The following VGF variants were observed in gnomAD, a reference collection of about 807,000 sequenced individuals.
VGF encodes the protein neurosecretory protein VGF.
In VGF, 13 loss-of-function variants were observed where a neutral mutation model predicts 41.1. The observed-to-expected ratio is 0.32, with a 90% CI of 0.21 to 0.50. The LOEUF is 0.50. Among genes scored for constraint, VGF ranks in the 20% least tolerant of loss-of-function variants. The probability of loss-of-function intolerance (pLI) is 0.98; values close to 1 mark genes in which losing one functional copy is unlikely to be tolerated. For missense variants in VGF, 920 were observed against 882.1 expected (o/e 1.04, Z -0.54); for synonymous variants, 473 against 418.3 (o/e 1.13, Z -1.60).
Position 101,162,725 on chromosome 7 carries a change from A to T in VGF, c.*271T>A. 1.7e-6 allele frequency: 1 copy of T among 582,754 alleles called. No individual in the cohort carries two copies. Among genetic ancestry groups the T allele is most frequent in the South Asian group, 1.5e-5 (1 of 64,832 alleles). 36.1% of individuals were successfully genotyped at this position (582,754 alleles called of 1,614,324 possible). ...ACGGGGACGTCCCCAGAGGGACTTG[A>T]TGGGGCCGGGGCCCCGCGTGGCAAG... is the stretch of plus-strand genomic sequence containing the variant. On this transcript the variant is annotated 3_prime_UTR_variant, in exon 2 of 2. Transcript: ENST00000249330. This position sits in a 1 kb window ranked among gnomAD's most constrained non-coding sequence, Gnocchi z 4.2.
rs1035089684 is a variant in VGF at position 101,164,740 on chromosome 7, AGAG to A, written c.101_103del (p.Pro34del). 1 of 1,611,322 alleles carries A rather than the reference AGAG, an allele frequency of 6.2e-7. No individual in the cohort carries two copies. The highest frequency in any genetic ancestry group is 1.1e-5 in the South Asian group (1 of 90,968). On this transcript the variant is annotated inframe_deletion, in exon 2 of 2. Transcript: ENST00000249330. Reference sequence around the variant, plus strand: ...TACCGGCTCTTTATGCTCAGAGCTGAGAGGAGGAGGCTGCGCCTCAGGGCGACC... The same window carrying A: ...TACCGGCTCTTTATGCTCAGAGCTGAGAGGAGGCTGCGCCTCAGGGCGACC...
Position 101,164,135 on chromosome 7 carries a change from C to T in VGF, c.709G>A (p.Asp237Asn), listed in dbSNP as rs772229321. The T allele has an allele frequency of 4.7e-6, 7 of 1,502,474 alleles. No homozygotes were observed. The highest frequency in any genetic ancestry group is 1.3e-5 in the South Asian group (1 of 75,418). The allele number at this position is 1,502,474 out of a possible 1,614,324, so 93.1% of individuals were successfully genotyped here. ...APSQFQARMP[D>N]SGPLPETHKF... ...TGGGTTTCGGGAAGGGGCCCGCTGT[C>T]GGGCATACGCGCCTGGAATTGAGAG... The change falls in exon 2 of 2, where the codon GAC (aspartate) becomes AAC (asparagine). Residue 237 changes from aspartate to asparagine, a missense_variant. Physicochemically the swap from Asp to Asn is conservative, Grantham distance 23. Around this residue, in one of 3 missense-constraint regions of VGF, gnomAD observed 654 missense variants for 638.4 expected, o/e 1.02. Transcript: ENST00000249330.
chr7:101,164,326 C>T lies in VGF; in HGVS notation c.518G>A (p.Ser173Asn), dbSNP rs759028390. 3.1e-6 allele frequency: 5 copies of T among 1,611,404 alleles called. No homozygotes were observed. The highest frequency in any genetic ancestry group is 4.2e-6 in the Non-Finnish European group (5 of 1,179,910). Residue 173 changes from serine (S) to asparagine (N), a missense_variant, in exon 2 of 2, where the codon AGC becomes AAC. Ser to Asn is a conservative substitution (Grantham distance 46). Transcript: ENST00000249330. ...CGCCGTCTCCTGCTGGCGCTTGGCGCTACTTGGACTGAAATCTCGCAGTTC... is the reference window on the plus strand; with the variant it reads ...CGCCGTCTCCTGCTGGCGCTTGGCGTTACTTGGACTGAAATCTCGCAGTTC... ...LQELRDFSPS[S>N]AKRQQETAAA...
Position 101,163,666 on chromosome 7 carries a change from TCCGCCTCTGCCTCCGCCTCGG to T in VGF, c.1157_1177del (p.Ala386_Ala392del). 6.5e-7 allele frequency: 1 copy of T among 1,538,760 alleles called. No homozygotes were observed. Among genetic ancestry groups the T allele is most frequent in the Non-Finnish European group, 8.7e-7 (1 of 1,147,338 alleles). On this transcript the variant is annotated inframe_deletion, in exon 2 of 2. Coordinates refer to ENST00000249330, the MANE Select transcript of VGF (RefSeq NM_003378.4). The surrounding 1 kb of genome is among the most constrained non-coding windows in gnomAD (Gnocchi z 5.0). Reference sequence around the variant, plus strand: ...GTTCTGCCGCGCCCTCTCCGCCTCCTCCGCCTCTGCCTCCGCCTCGGCCGCCTCCTCATCCTCTTCCCCCAC... The same window carrying T: ...GTTCTGCCGCGCCCTCTCCGCCTCCTCCGCCTCCTCATCCTCTTCCCCCAC...
At chr7:101,165,311 A>AC in intron 1 of VGF, 63 bp downstream of exon 1, 1 of 986,396 alleles carries the variant, frequency 1.0e-6, no homozygotes, top group Non-Finnish European at 1.2e-6. Context: ...GAGGAGAGAG[A>AC]ACCCTCCCTC....
intron 1 of VGF, 60 bp downstream of exon 1, chr7:101,165,314 C>A: frequency 2.0e-6 from 2 of 986,444 alleles, no homozygotes; most frequent in Non-Finnish European, 2.4e-6. Context: ...GAGAGAGAAC[C>A]CTCCCTCACG....
chr7:101,166,902 G>A (rs555381256), upstream of VGF, among the ~76,000 whole-genome samples: 3 of 150,090 alleles, frequency 2.0e-5, no homozygotes, highest in Admixed American at 1.3e-4. Flanking sequence ...GGCAGAGAGC[G>A]GTGCGGGGGC....
Position 101,163,752 on chromosome 7 carries a change from C to T in VGF, c.1092G>A (p.Glu364=). 1 of 1,535,388 alleles carries T rather than the reference C, an allele frequency of 6.5e-7. No individual in the cohort carries two copies. The highest frequency in any genetic ancestry group is 8.7e-7 in the Non-Finnish European group (1 of 1,146,024). Reference sequence around the variant, plus strand: ...CGCGTCTCTCCTGCTCCGCCTCCTCCTCCTCCCTTGCACTCTCTCGCTCCT... The same window carrying T: ...CGCGTCTCTCCTGCTCCGCCTCCTCTTCCTCCCTTGCACTCTCTCGCTCCT... ...AAEERESARE[E]EEAEQERRGG... The change falls in exon 2 of 2, where the codon GAG becomes GAA. Residue 364 remains glutamate, a synonymous_variant. Transcript: ENST00000249330. This position sits in a 1 kb window ranked among gnomAD's most constrained non-coding sequence, Gnocchi z 5.0.
chr7:101,162,511 C>G lies in VGF; in HGVS notation c.*485G>C. ...CGGGTGAATAACCGAGAACAAAGTC[C>G]TAATAAAATAGTCACTTTTATTTCT... On this transcript the variant is annotated 3_prime_UTR_variant, in exon 2 of 2. Coordinates refer to ENST00000249330, the MANE Select transcript of VGF (RefSeq NM_003378.4). The surrounding 1 kb of genome is among the most constrained non-coding windows in gnomAD (Gnocchi z 4.2). 1 of 239,510 alleles carries G rather than the reference C, an allele frequency of 4.2e-6. No homozygotes were observed. Among genetic ancestry groups the G allele is most frequent in the Non-Finnish European group, 8.4e-6 (1 of 118,618 alleles). The allele number at this position is 239,510 out of a possible 1,614,324, so 14.8% of individuals were successfully genotyped here. A position where few individuals can be genotyped will look rare whatever the true frequency, so the allele number is the denominator to read the frequency against.
At position 101,163,125 on chromosome 7, in the gene VGF, C is replaced by G. The variant is rs751040312; in HGVS notation, c.1719G>C (p.Ser573=). The G allele has an allele frequency of 1.9e-6, 3 of 1,585,758 alleles. No individual in the cohort carries two copies. In the East Asian group the frequency reaches 7.2e-5, roughly 38 times the overall value. The change falls in exon 2 of 2, where the codon TCG becomes TCC. Residue 573 remains serine (S), a synonymous_variant. Transcript: ENST00000249330. The surrounding 1 kb of genome is among the most constrained non-coding windows in gnomAD (Gnocchi z 5.0). ...GGGCCTCCCGGCCGGGATAGTGGCG[C>G]GAAGGCGGCAAGGCGTGGTGGTAGT... ...RRHYHHALPP[S]RHYPGREAQA... is the part of the protein sequence containing the mutation.
At chr7:101,169,101 G>T (rs1797265646), upstream of VGF, among the ~76,000 whole-genome samples, 1 of 152,058 alleles carries the variant, frequency 6.6e-6, no homozygotes, top group African/African-American at 2.4e-5. Flanking sequence ...AATGATGAGT[G>T]ATGGGAAGGG....
At position 101,163,363 on chromosome 7, in the gene VGF, G is replaced by GGGGGCGGCACGGGCTCGGGA; in HGVS notation, c.1461_1480dup (p.Pro494LeufsTer187). 6.5e-7 allele frequency: 1 copy of GGGGGCGGCACGGGCTCGGGA among 1,536,230 alleles called. No homozygotes were observed. Among genetic ancestry groups the GGGGGCGGCACGGGCTCGGGA allele is most frequent in the Non-Finnish European group, 8.7e-7 (1 of 1,145,060 alleles). On this transcript the variant is annotated frameshift_variant, in exon 2 of 2. Coordinates refer to ENST00000249330, the MANE Select transcript of VGF (RefSeq NM_003378.4). LOFTEE classifies it high-confidence loss of function. The surrounding 1 kb of genome is among the most constrained non-coding windows in gnomAD (Gnocchi z 5.0). ...GTGGGTGGGGGCGGGGGCGGCACGG[G>GGGGGCGGCACGGGCTCGGGA]GGGGCGGCACGGGCTCGGGAGGGGC...
rs771527523 is a variant in VGF, at chr7:101,163,093, C to T, written c.1751G>A (p.Arg584Gln). The T allele has an allele frequency of 6.4e-7, 1 of 1,573,706 alleles. No individual in the cohort carries two copies. The highest frequency in any genetic ancestry group is 8.6e-7 in the Non-Finnish European group (1 of 1,163,766). ...RHYPGREAQA[R>Q]RAQEEAEAEE... The stretch of plus-strand genomic sequence containing the variant: ...CGCCTCCGCCTCCTCCTGCGCGCGC[C>T]GCGCCTGGGCCTCCCGGCCGGGATA... The change falls in exon 2 of 2, where the codon CGG becomes CAG. Residue 584 changes from arginine to glutamine, a missense_variant. Physicochemically the swap from Arg to Gln is conservative, Grantham distance 43. Transcript: ENST00000249330. This position sits in a 1 kb window ranked among gnomAD's most constrained non-coding sequence, Gnocchi z 5.0.
In VGF at chr7:101,162,880, G is replaced by A. The variant is rs777866017; in HGVS notation, c.*116C>T. The stretch of plus-strand genomic sequence containing the variant: ...CGACGCAGCCCGGGGACAGGGGCAG[G>A]GCCAAGGGGCAGGGCCGGGGCGCAT... On this transcript the variant is annotated 3_prime_UTR_variant, in exon 2 of 2. Transcript: ENST00000249330. This position sits in a 1 kb window ranked among gnomAD's most constrained non-coding sequence, Gnocchi z 4.2. 1 of 720,890 alleles carries A rather than the reference G, an allele frequency of 1.4e-6. No homozygotes were observed. The highest frequency in any genetic ancestry group is 2.4e-6 in the Non-Finnish European group (1 of 424,952). The allele number at this position is 720,890 out of a possible 1,614,324, so 44.7% of individuals were successfully genotyped here. A position where few individuals can be genotyped will look rare whatever the true frequency, so the allele number is the denominator to read the frequency against.
At position 101,163,990 on chromosome 7, in the gene VGF, G is replaced by A; in HGVS notation, c.854C>T (p.Ala285Val). 6.8e-7 allele frequency: 1 copy of A among 1,469,970 alleles called. No individual in the cohort carries two copies. The highest frequency in any genetic ancestry group is 8.9e-7 in the Non-Finnish European group (1 of 1,124,448). 91.1% of individuals were successfully genotyped at this position (1,469,970 alleles called of 1,614,324 possible). A position where few individuals can be genotyped will look rare whatever the true frequency, so the allele number is the denominator to read the frequency against. The part of the protein sequence containing the change: ...PFPKARRPES[A>V]LLGGSEAGER... ...GCCCGCCTCGGAGCCGCCCAGGAGT[G>A]CGCTCTCCGGCCGGCGCGCCTTGGG... Residue 285 changes from alanine (A) to valine (V), a missense_variant, in exon 2 of 2, where the codon GCA (alanine) becomes GTA (valine). Ala to Val is a moderately conservative substitution (Grantham distance 64). Coordinates refer to ENST00000249330, the MANE Select transcript of VGF (RefSeq NM_003378.4). This position sits in a 1 kb window ranked among gnomAD's most constrained non-coding sequence, Gnocchi z 5.0.
Position 101,162,751 on chromosome 7 carries a change from G to A in VGF, c.*245C>T, listed in dbSNP as rs766434888. On this transcript the variant is annotated 3_prime_UTR_variant, in exon 2 of 2. Coordinates refer to ENST00000249330, the MANE Select transcript of VGF (RefSeq NM_003378.4). This position sits in a 1 kb window ranked among gnomAD's most constrained non-coding sequence, Gnocchi z 4.2. ...TGGGGCCGGGGCCCCGCGTGGCAAG[G>A]GAACTCGCACAAACCACCCGCCCTC... 1.6e-6 allele frequency: 1 copy of A among 621,890 alleles called. No individual in the cohort carries two copies. The highest frequency in any genetic ancestry group is 2.1e-5 in the Admixed American group (1 of 47,078). 38.5% of individuals were successfully genotyped at this position (621,890 alleles called of 1,614,324 possible). A position where few individuals can be genotyped will look rare whatever the true frequency, so the allele number is the denominator to read the frequency against.
At chr7:101,167,314 A>T (rs763759003), upstream of VGF, among the ~76,000 whole-genome samples, 2 of 152,154 alleles carry the variant, frequency 1.3e-5, no homozygotes, top group African/African-American at 2.4e-5. The surrounding 1 kb of genome is among the most constrained non-coding windows in gnomAD (Gnocchi z 4.2). Flanking sequence ...GGGATCTGGA[A>T]CAGGTAGAAG....
Position 101,162,639 on chromosome 7 carries a change from C to G in VGF, c.*357G>C. The G allele has an allele frequency of 2.7e-6, 1 of 364,688 alleles. No homozygotes were observed. The highest frequency in any genetic ancestry group is 2.1e-5 in the South Asian group (1 of 47,532). The allele number at this position is 364,688 out of a possible 1,614,324, so 22.6% of individuals were successfully genotyped here. A position where few individuals can be genotyped will look rare whatever the true frequency, so the allele number is the denominator to read the frequency against. On this transcript the variant is annotated 3_prime_UTR_variant, in exon 2 of 2. Transcript: ENST00000249330. The surrounding 1 kb of genome is among the most constrained non-coding windows in gnomAD (Gnocchi z 4.2). The stretch of plus-strand genomic sequence containing the variant: ...AGGCTGGAGGGGCTCGTGGGAGGCC[C>G]GAAGGGCTGGAGACAGACACACTTC...
At chr7:101,164,911 C>T (rs1256835426) in intron 1 of VGF, 48 bp from the exon 2 acceptor site, 4 of 1,476,246 alleles carry the variant, frequency 2.7e-6, no homozygotes, top group African/African-American at 2.8e-5. Context: ...TAAGAATTCC[C>T]CTCTCTAGGT....
Sources: allele counts gnomAD v4.1 joint callset (sites outside exome capture counted in the v4.1 genomes callset), GRCh38; gene constraint gnomAD v4.1.1; regional missense constraint gnomAD v4.1.1; non-coding constraint Gnocchi (gnomAD v3.1); transcripts MANE v1.5; gene names NCBI Gene and HGNC (gene_info 2026-07-23, HGNC 2026-07-21).